The following LCOR variants were observed in gnomAD, a reference collection of about 807,000 sequenced individuals.
LCOR encodes ligand-dependent corepressor.
LCOR carries 14 observed loss-of-function variants against 64.4 expected under a neutral mutation model. That is an observed-to-expected ratio of 0.22 (90% CI 0.14 to 0.34). The LOEUF (loss-of-function observed/expected upper bound fraction) is 0.34, where lower values mean the gene tolerates loss of function less well. Among genes scored for constraint, LCOR ranks in the 10% least tolerant of loss-of-function variants. LCOR has a pLI of 1.00. For missense variants in LCOR, 1,686 were observed against 1,765.3 expected, an observed-to-expected ratio of 0.96 and a Z score of 0.80; for synonymous variants, 643 against 642.5, an observed-to-expected ratio of 1.00 and a Z score of -0.01.
intron 5 of LCOR, 147 bp downstream of exon 5, chr10:96,944,392 C>T: frequency 3.1e-6 from 1 of 327,084 alleles, no homozygotes; most frequent in Non-Finnish European, 4.4e-6. Context: ...GGGTCAAGTT[C>T]AAATTGGAAT....
intron 7 of LCOR, among the ~76,000 whole-genome samples, chr10:96,979,641 A>G (rs1295673780): frequency 6.6e-6 from 1 of 152,188 alleles, no homozygotes; most frequent in African/African-American, 2.4e-5. Context: ...ATACAATACT[A>G]CTACCTTGCA....
At chr10:96,841,650 C>T (rs151281563) in intron 2 of LCOR, among the ~76,000 whole-genome samples, 1,826 of 151,826 alleles carry the variant, frequency 0.012, 41 homozygotes, top group African/African-American at 0.04. Context: ...CATGAGCCAC[C>T]GCGCCTGGCC....
intron 2 of LCOR, among the ~76,000 whole-genome samples, chr10:96,880,102 C>T (rs941873695): frequency 6.6e-6 from 1 of 152,188 alleles, no homozygotes; most frequent in Non-Finnish European, 1.5e-5. Flanking sequence ...ACTGAAAATC[C>T]TTAAGGATCT....
intron 4 of LCOR, among the ~76,000 whole-genome samples, chr10:96,924,429 A>G (rs1332582276): frequency 6.6e-6 from 1 of 150,938 alleles, no homozygotes; most frequent in Non-Finnish European, 1.5e-5. Context: ...TTTTGTAGAG[A>G]TGGGGTTTTG....
At chr10:96,889,220 A>G (rs926140047) in intron 2 of LCOR, among the ~76,000 whole-genome samples, 1 of 152,228 alleles carries the variant, frequency 6.6e-6, no homozygotes, top group African/African-American at 2.4e-5. Flanking sequence ...GACATTTCAT[A>G]TAAATGGAAT....
At chr10:96,863,856 A>G (rs1023432264) in intron 2 of LCOR, among the ~76,000 whole-genome samples, 8 of 152,172 alleles carry the variant, frequency 5.3e-5, no homozygotes, top group African/African-American at 1.7e-4. Context: ...TCATGATGCT[A>G]TCTTTTGTCT....
chr10:96,965,108 A>C (rs1467314334), intron 7 of LCOR, among the ~76,000 whole-genome samples: 1 of 151,510 alleles, frequency 6.6e-6, no homozygotes, highest in Non-Finnish European at 1.5e-5. Context: ...TCCTGGGTTC[A>C]CACCATTCTC....
chr10:96,968,842 G>A (rs1205812233), intron 7 of LCOR, among the ~76,000 whole-genome samples: 1 of 152,020 alleles, frequency 6.6e-6, no homozygotes, highest in Non-Finnish European at 1.5e-5. Context: ...TGGTGAGGTG[G>A]GAGGGTCACT....
intron 1 of LCOR, among the ~76,000 whole-genome samples, 189 bp downstream of exon 1, chr10:96,832,588 G>C (rs1471383264): frequency 7.7e-6 from 1 of 129,400 alleles, no homozygotes; most frequent in Non-Finnish European, 1.6e-5. Flanking sequence ...TCCCCTGCTC[G>C]GCCGAGCGCG....
chr10:96,835,038 C>A (rs962299677), intron 2 of LCOR, among the ~76,000 whole-genome samples: 2 of 152,134 alleles, frequency 1.3e-5, no homozygotes, highest in African/African-American at 4.8e-5. Context: ...GTAGCTGGGA[C>A]TACAGGCGTG....
At chr10:96,906,669 T>G (rs1007926901) in intron 2 of LCOR, among the ~76,000 whole-genome samples, 5 of 152,202 alleles carry the variant, frequency 3.3e-5, no homozygotes, top group African/African-American at 1.2e-4. Flanking sequence ...TTTTTTTGTA[T>G]GTACAATCAG....
intron 4 of LCOR, among the ~76,000 whole-genome samples, chr10:96,916,755 C>T (rs1846958024): frequency 6.6e-6 from 1 of 151,980 alleles, no homozygotes; most frequent in Non-Finnish European, 1.5e-5. Flanking sequence ...GCTGGGACTA[C>T]AGGCGCACGC....
Position 96,993,992 on chromosome 10 carries a change from T to G in LCOR, c.*8858T>G, listed in dbSNP as rs917161299. ...GCTGGAGAGGTTGCTGTACTTGAAT[T>G]TTTGCTTCTGTTTGTCTGCACGCTC... On this transcript the variant is annotated 3_prime_UTR_variant, in exon 8 of 8. Coordinates refer to ENST00000421806, the MANE Select transcript of LCOR (RefSeq NM_001346516.2). The G allele has an allele frequency of 6.6e-6, 1 of 152,068 alleles. No individual in the cohort carries two copies. The highest frequency in any genetic ancestry group is 2.4e-5 in the African/African-American group (1 of 41,384). 9.4% of individuals were successfully genotyped at this position (152,068 alleles called of 1,614,324 possible).
chr10:96,927,145 G>A (rs1392530715), intron 4 of LCOR, among the ~76,000 whole-genome samples: 6 of 152,170 alleles, frequency 3.9e-5, no homozygotes, highest in African/African-American at 1.4e-4. Context: ...GTGTATGAGA[G>A]TTCCAGTGTT....
rs897330875 is a variant in LCOR, at chr10:96,981,885, C to T, written c.1425C>T (p.Ile475=). The T allele has an allele frequency of 1.2e-6, 2 of 1,614,088 alleles. No homozygotes were observed. The highest frequency in any genetic ancestry group is 1.7e-6 in the Non-Finnish European group (2 of 1,180,054). The change falls in exon 8 of 8, where the codon ATC becomes ATT. Residue 475 remains isoleucine, a synonymous_variant. Transcript: ENST00000421806. The part of the protein sequence containing the change: ...DYDNQCDVVY[I]SQPITECHFE... Reference sequence around the variant, plus strand: ...ATAACCAGTGTGATGTTGTTTATATCAGTCAACCAATAACAGAATGCCACT... The same window carrying T: ...ATAACCAGTGTGATGTTGTTTATATTAGTCAACCAATAACAGAATGCCACT...
chr10:96,951,060 C>A (rs954402867), intron 6 of LCOR, among the ~76,000 whole-genome samples: 1 of 151,976 alleles, frequency 6.6e-6, no homozygotes, highest in Non-Finnish European at 1.5e-5. Context: ...TCCTCAGATA[C>A]AAGTTGTAAG....
At chr10:96,934,099 T>C (rs909606190) in intron 4 of LCOR, among the ~76,000 whole-genome samples, 2 of 152,224 alleles carry the variant, frequency 1.3e-5, no homozygotes, top group African/African-American at 4.8e-5. Context: ...ACAACTCTTA[T>C]TTAATGTAGG....
intron 7 of LCOR, chr10:96,962,026 CTTAAT>C (rs1191854766): frequency 1.3e-5 from 2 of 151,936 alleles, no homozygotes; most frequent in Non-Finnish European, 1.5e-5. Context: ...ACACTAAAGT[CTTAAT>C]TTATCTTCAG....
chr10:96,905,466 A>C (rs1180124084), intron 2 of LCOR, among the ~76,000 whole-genome samples: 1 of 152,144 alleles, frequency 6.6e-6, no homozygotes, highest in Non-Finnish European at 1.5e-5. Context: ...GGGGGCTTTA[A>C]GAATTGGAGA....
Sources: allele counts gnomAD v4.1 joint callset (sites outside exome capture counted in the v4.1 genomes callset), GRCh38; gene constraint gnomAD v4.1.1; transcripts MANE v1.5; gene names NCBI Gene and HGNC (gene_info 2026-07-23, HGNC 2026-07-21).